Variants in FER observed in about 807,000 individuals in gnomAD.
The protein encoded by FER is tyrosine-protein kinase Fer.
FER carries 63 observed loss-of-function variants against 111.0 expected under a neutral mutation model. The ratio of observed to expected loss-of-function variants is 0.57; its 90% confidence interval spans 0.46 to 0.70. The LOEUF (loss-of-function observed/expected upper bound fraction) is 0.70. Ranked by LOEUF, FER falls within the 30% of genes least tolerant of loss-of-function variation. FER has a pLI of 0.00. For synonymous variants in FER, 327 were observed against 313.9 expected, an observed-to-expected ratio of 1.04 and a Z score of -0.44; for missense variants, 914 against 954.0, an observed-to-expected ratio of 0.96 and a Z score of 0.55.
intron 2 of FER, among the ~76,000 whole-genome samples, chr5:108,773,345 C>T (rs940015096): frequency 6.6e-6 from 1 of 152,082 alleles, no homozygotes; most frequent in Non-Finnish European, 1.5e-5. Context: ...TCCCTTTCCC[C>T]ACACCCCTGC....
intron 16 of FER, among the ~76,000 whole-genome samples, chr5:109,083,142 G>A (rs1777179076): frequency 6.6e-6 from 1 of 151,990 alleles, no homozygotes; most frequent in South Asian, 2.1e-4. Flanking sequence ...CTTGAAACCT[G>A]ATGTTATATA....
At chr5:108,772,001 T>G (rs1162482273) in intron 2 of FER, among the ~76,000 whole-genome samples, 1 of 152,174 alleles carries the variant, frequency 6.6e-6, no homozygotes, top group Non-Finnish European at 1.5e-5. Context: ...AAGTCCAACA[T>G]CAAGACACCA....
Position 108,749,576 on chromosome 5 carries a change from T to A in FER, c.-206+1576T>A, listed in dbSNP as rs1331130474. ...AGCCCCGCAGTCTCCCTTGACCCGC[T>A]CGGTCCTCCCCAGCTCTCCTCCTAT... On this transcript the variant is annotated intron_variant, in intron 1 of 19. Transcript: ENST00000281092. Among the ~76,000 whole-genome samples, 8 of 152,166 alleles carry A rather than the reference T, an allele frequency of 5.3e-5. 1 individual carries two copies. The highest frequency in any genetic ancestry group is 5.2e-4 in the Admixed American group (8 of 15,266).
chr5:109,049,249 G>A (rs1424211790), intron 16 of FER, among the ~76,000 whole-genome samples: 1 of 152,196 alleles, frequency 6.6e-6, no homozygotes, highest in Non-Finnish European at 1.5e-5. Context: ...TGGCAGCCTT[G>A]ACTGTGTTCC....
intron 4 of FER, among the ~76,000 whole-genome samples, chr5:108,833,660 G>T (rs1760288235): frequency 6.6e-6 from 1 of 152,042 alleles, no homozygotes; most frequent in Non-Finnish European, 1.5e-5. Flanking sequence ...GGATCACGAG[G>T]TCAGGAGATC....
At chr5:109,145,811 T>C (rs1037068533) in intron 17 of FER, among the ~76,000 whole-genome samples, 1 of 152,024 alleles carries the variant, frequency 6.6e-6, no homozygotes, top group Non-Finnish European at 1.5e-5. Context: ...AGGAAATATA[T>C]GCTAATGTGT....
chr5:108,816,347 C>T (rs1437551116), intron 3 of FER, among the ~76,000 whole-genome samples: 1 of 152,216 alleles, frequency 6.6e-6, no homozygotes, highest in Non-Finnish European at 1.5e-5. Context: ...CCACACTCAT[C>T]CACATGTGGC....
chr5:108,792,924 A>G (rs923996954), intron 2 of FER, among the ~76,000 whole-genome samples: 2 of 152,164 alleles, frequency 1.3e-5, no homozygotes, highest in African/African-American at 4.8e-5. Context: ...TATAGGGTAC[A>G]TGAAATATTT....
chr5:109,137,457 CACTA>C (rs1182102666), intron 17 of FER, among the ~76,000 whole-genome samples: 1 of 152,196 alleles, frequency 6.6e-6, no homozygotes, highest in Non-Finnish European at 1.5e-5. Context: ...TGTGCTAAGG[CACTA>C]ACCTTGGTCT....
At chr5:109,014,557 C>T (rs922449386) in intron 13 of FER, among the ~76,000 whole-genome samples, 35 of 152,068 alleles carry the variant, frequency 2.3e-4, no homozygotes, top group African/African-American at 5.3e-4. Context: ...ATTGACTTGG[C>T]GATGTGGGCT....
intron 3 of FER, among the ~76,000 whole-genome samples, chr5:108,799,532 G>C (rs1462634070): frequency 6.6e-6 from 1 of 152,154 alleles, no homozygotes; most frequent in East Asian, 1.9e-4. Flanking sequence ...TCTGAAGGTA[G>C]AGCTGCCAGA....
At chr5:109,123,956 G>A (rs1197320745) in intron 17 of FER, among the ~76,000 whole-genome samples, 1 of 152,084 alleles carries the variant, frequency 6.6e-6, no homozygotes, top group Non-Finnish European at 1.5e-5. Flanking sequence ...AGAGCATGGC[G>A]CAGTGGCTCA....
chr5:109,160,462 G>A (rs1755871491), intron 17 of FER, among the ~76,000 whole-genome samples: 1 of 152,120 alleles, frequency 6.6e-6, no homozygotes, highest in Non-Finnish European at 1.5e-5. Context: ...TTCATAAGAA[G>A]AAAATTCCTG....
chr5:109,087,117 A>T (rs1450660985), intron 16 of FER, among the ~76,000 whole-genome samples: 1 of 151,366 alleles, frequency 6.6e-6, no homozygotes, highest in East Asian at 1.9e-4. Flanking sequence ...AATTTTGGAG[A>T]GACAAATTTC....
At chr5:109,089,531 A>G (rs1777929678) in intron 16 of FER, among the ~76,000 whole-genome samples, 1 of 152,190 alleles carries the variant, frequency 6.6e-6, no homozygotes, top group Admixed American at 6.5e-5. Context: ...ATGGCAGAAT[A>G]GAAAGTCTCA....
At chr5:108,879,187 A>G (rs1020809392) in intron 8 of FER, among the ~76,000 whole-genome samples, 4 of 151,938 alleles carry the variant, frequency 2.6e-5, no homozygotes, top group Admixed American at 1.3e-4. Flanking sequence ...TAATATTATA[A>G]TATTTAATTT....
chr5:108,859,255 A>AGTATTTT (rs1006213334), intron 5 of FER, among the ~76,000 whole-genome samples: 2 of 152,096 alleles, frequency 1.3e-5, no homozygotes, highest in African/African-American at 4.8e-5. Context: ...ACAGTTTTTC[A>AGTATTTT]GTATTTTCAC....
At chr5:109,024,662 C>T (rs557036943) in intron 13 of FER, among the ~76,000 whole-genome samples, 2 of 152,168 alleles carry the variant, frequency 1.3e-5, no homozygotes, top group East Asian at 3.9e-4. Context: ...CCGTCTAATC[C>T]CCCTTTCTTT....
At chr5:109,062,297 G>T (rs984414016) in intron 16 of FER, among the ~76,000 whole-genome samples, 3 of 152,036 alleles carry the variant, frequency 2.0e-5, no homozygotes, top group African/African-American at 7.2e-5. Context: ...CCAAGGTGGG[G>T]TCGATCACTC....
Sources: gnomAD v4.1 joint callset for allele counts (sites outside exome capture counted in the v4.1 genomes callset) on GRCh38, gnomAD v4.1.1 for gene constraint, MANE v1.5 for transcripts, NCBI Gene and HGNC (gene_info 2026-07-23, HGNC 2026-07-21) for gene names.